SPATA17: variants seen among roughly 807,000 people sequenced by gnomAD.
SPATA17 encodes spermatogenesis associated 17.
SPATA17 carries 53 observed loss-of-function variants against 62.2 expected under a neutral mutation model. The ratio of observed to expected loss-of-function variants is 0.85; its 90% CI spans 0.68 to 1.07. SPATA17 has a LOEUF of 1.07. SPATA17 is among the 50% of genes least tolerant of loss of function. The pLI is 0.00. For synonymous variants in SPATA17, 146 were observed against 146.8 expected (o/e 0.99, Z 0.04); for missense variants, 466 against 425.5 (o/e 1.10, Z -0.84).
chr1:217,671,931 T>C (rs573435793), intron 4 of SPATA17, among the ~76,000 whole-genome samples: 17 of 152,212 alleles, frequency 1.1e-4, no homozygotes, highest in Non-Finnish European at 2.1e-4. Flanking sequence ...TATTTCATGT[T>C]CCTGAGTTGA....
At chr1:217,647,664 C>T (rs12403724) in intron 1 of SPATA17, among the ~76,000 whole-genome samples, 7,225 of 152,186 alleles carry the variant, frequency 0.047, 556 homozygotes, top group African/African-American at 0.16. Context: ...GCTGTTCTCC[C>T]TCCCACATGG....
In SPATA17 at chr1:217,718,456, C is replaced by T. The variant is rs180711790; in HGVS notation, c.396-23519C>T. Among the ~76,000 whole-genome samples, 125 of 152,274 alleles carry T rather than the reference C, an allele frequency of 8.2e-4. 1 individual carries two copies. Among genetic ancestry groups the T allele is most frequent in the African/African-American group, 3.0e-3 (125 of 41,564 alleles). On this transcript the variant is annotated intron_variant, in intron 5 of 10. Coordinates refer to ENST00000366933, the MANE Select transcript of SPATA17 (RefSeq NM_138796.4). The stretch of plus-strand genomic sequence containing the variant: ...GCTTAATATGAGATTTGCAAGCACA[C>T]TGCTAGTTATCCAGGTGGTTTAGGT...
At position 217,797,616 on chromosome 1, in the gene SPATA17, G is replaced by A. The variant is rs1302438220; in HGVS notation, c.873-4102G>A. Among the ~76,000 whole-genome samples, 3 of 152,118 alleles carry A rather than the reference G, an allele frequency of 2.0e-5. No homozygotes were observed. The East Asian group carries it at 5.8e-4, about 29-fold the overall frequency. On this transcript the variant is annotated intron_variant, in intron 8 of 10. Coordinates refer to ENST00000366933, the MANE Select transcript of SPATA17 (RefSeq NM_138796.4). ...TAGAGTTAAGATTAATTTTTGAGCA[G>A]GTGTACTTTTATAACATAAACATTT...
Position 217,801,727 on chromosome 1 carries a change from AT to A in SPATA17, c.886del (p.Ser296LeufsTer74). 1 of 1,597,678 alleles carries A rather than the reference AT, an allele frequency of 6.3e-7. No homozygotes were observed. The highest frequency in any genetic ancestry group is 1.4e-5 in the African/African-American group (1 of 73,924). On this transcript the variant is annotated frameshift_variant, in exon 9 of 11. Transcript: ENST00000366933. LOFTEE classifies it high-confidence loss of function. The part of the protein sequence containing the change: ...QNVNDNMFLP[F>X]SSYHKNEKYI... ...TAAATATTTCTTTCAGGTTTTTGCC[AT>A]TTTCTTCATACCATAAAAATGAAAA...
At chr1:217,850,433 A>G in intron 9 of SPATA17, 1 of 1,319,300 alleles carries the variant, frequency 7.6e-7, no homozygotes, top group Admixed American at 1.7e-5. Flanking sequence ...TGGACCAGGT[A>G]CAGGGTCAAC....
chr1:217,772,746 T>G (rs992969784), intron 6 of SPATA17, among the ~76,000 whole-genome samples: 1 of 152,204 alleles, frequency 6.6e-6, no homozygotes, highest in Non-Finnish European at 1.5e-5. Flanking sequence ...CCATGTACCC[T>G]GCTAGGCCCT....
At chr1:217,834,479 T>C (rs72730509) in intron 9 of SPATA17, among the ~76,000 whole-genome samples, 10,979 of 152,166 alleles carry the variant, frequency 0.072, 451 homozygotes, top group East Asian at 0.14. Context: ...GATGGTGACG[T>C]AGATGATCAT....
At chr1:217,801,300 G>A (rs939561071) in intron 8 of SPATA17, among the ~76,000 whole-genome samples, 9 of 152,198 alleles carry the variant, frequency 5.9e-5, no homozygotes, top group African/African-American at 9.6e-5. Context: ...TTATTGAAGT[G>A]ACTTAAAATT....
At chr1:217,843,665 G>C (rs1675462287) in intron 9 of SPATA17, among the ~76,000 whole-genome samples, 1 of 151,860 alleles carries the variant, frequency 6.6e-6, no homozygotes, top group African/African-American at 2.4e-5. Flanking sequence ...ATGGCTACGG[G>C]TTTATGTTAC....
At chr1:217,808,731 TG>T (rs1674507215) in intron 9 of SPATA17, among the ~76,000 whole-genome samples, 1 of 151,994 alleles carries the variant, frequency 6.6e-6, no homozygotes, top group African/African-American at 2.4e-5. Context: ...GGTGCACACC[TG>T]TAGCCCCAGC....
intron 9 of SPATA17, among the ~76,000 whole-genome samples, chr1:217,818,497 G>A (rs1057267963): frequency 4.7e-4 from 72 of 152,104 alleles, no homozygotes; most frequent in Admixed American, 3.0e-3. Context: ...TTACTGTACT[G>A]AATATTGTAG....
chr1:217,765,334 T>G (rs1558041263), intron 6 of SPATA17, among the ~76,000 whole-genome samples: 2 of 151,926 alleles, frequency 1.3e-5, no homozygotes, highest in East Asian at 3.9e-4. Flanking sequence ...TGCTATTCTT[T>G]TTTCAGTTTC....
chr1:217,841,031 T>C (rs979305456), intron 9 of SPATA17, among the ~76,000 whole-genome samples: 1 of 151,896 alleles, frequency 6.6e-6, no homozygotes, highest in Admixed American at 6.6e-5. Flanking sequence ...TACTTTAAAT[T>C]TGGTAAATTA....
chr1:217,737,268 A>G (rs1401460180), intron 5 of SPATA17, among the ~76,000 whole-genome samples: 1 of 152,208 alleles, frequency 6.6e-6, no homozygotes, highest in Non-Finnish European at 1.5e-5. Context: ...ATGAGATGAT[A>G]TCTATGTCTT....
At chr1:217,846,423 A>G (rs1166000237) in intron 9 of SPATA17, among the ~76,000 whole-genome samples, 1 of 152,082 alleles carries the variant, frequency 6.6e-6, no homozygotes, top group Non-Finnish European at 1.5e-5. Context: ...TTCCTGTCTT[A>G]AGTGAATATA....
intron 3 of SPATA17, among the ~76,000 whole-genome samples, chr1:217,660,725 A>G (rs1670548133): frequency 6.6e-6 from 1 of 152,190 alleles, no homozygotes; most frequent in South Asian, 2.1e-4. Context: ...TAGGGCTGAG[A>G]CGAAGAGATA....
intron 5 of SPATA17, among the ~76,000 whole-genome samples, chr1:217,702,331 A>G (rs1250371024): frequency 6.6e-6 from 1 of 152,082 alleles, no homozygotes; most frequent in Non-Finnish European, 1.5e-5. Context: ...TAAATTACCC[A>G]TGCTTTTTCT....
chr1:217,806,181 A>G (rs138335672), intron 9 of SPATA17, among the ~76,000 whole-genome samples: 1 of 152,352 alleles, frequency 6.6e-6, no homozygotes, highest in East Asian at 1.9e-4. Context: ...TCATGTTAAG[A>G]CTTGAAAATA....
intron 9 of SPATA17, among the ~76,000 whole-genome samples, chr1:217,827,874 G>T (rs2103000193): frequency 6.6e-6 from 1 of 152,102 alleles, no homozygotes; most frequent in East Asian, 1.9e-4. Context: ...ACACTCTGGG[G>T]CCTGTTGGGA....
Sources: allele counts gnomAD v4.1 joint callset (sites outside exome capture counted in the v4.1 genomes callset), GRCh38; gene constraint gnomAD v4.1.1; transcripts MANE v1.5; gene names NCBI Gene and HGNC (gene_info 2026-07-23, HGNC 2026-07-21).